Variants in SQLE observed in about 807,000 individuals in gnomAD.
SQLE encodes squalene epoxidase.
In SQLE, 29 loss-of-function variants were observed where a neutral mutation model predicts 60.7. The observed-to-expected ratio is 0.48, with a 90% CI of 0.36 to 0.65. The LOEUF (loss-of-function observed/expected upper bound fraction) is 0.65, where lower values mean the gene tolerates loss of function less well. Ranked by LOEUF, SQLE falls within the 30% of genes least tolerant of loss-of-function variation. SQLE has a pLI of 0.00. For missense variants in SQLE, 605 were observed against 684.1 expected (o/e 0.88, Z 1.29); for synonymous variants, 237 against 246.8 (o/e 0.96, Z 0.37).
intron 5 of SQLE, 22 bp downstream of exon 5, chr8:125,009,106 G>A (rs372889686): frequency 3.2e-6 from 5 of 1,571,636 alleles, no homozygotes; most frequent in South Asian, 1.2e-5. Context: ...GTGTGTTATT[G>A]TAATTTCAAT....
At chr8:125,015,923 CCT>C (rs34609513) in intron 7 of SQLE, among the ~76,000 whole-genome samples, 28,427 of 151,918 alleles carry the variant, frequency 0.19, 3,122 homozygotes, top group Middle Eastern at 0.36. Context: ...GTGTCTTGCC[CCT>C]CTCTCCTGGC....
chr8:125,019,347 G>A (rs1815164306), intron 9 of SQLE, among the ~76,000 whole-genome samples: 1 of 152,168 alleles, frequency 6.6e-6, no homozygotes. Flanking sequence ...CACTTCAGGA[G>A]GCCAAGGCAG....
At chr8:125,012,710 C>T (rs1003215812) in intron 7 of SQLE, among the ~76,000 whole-genome samples, 19 of 152,198 alleles carry the variant, frequency 1.2e-4, no homozygotes, top group Middle Eastern at 3.2e-3. Context: ...AGCAATGCTG[C>T]TATGAACATC....
In SQLE at chr8:125,003,181, A is replaced by G; in HGVS notation, c.297A>G (p.Arg99=). 1 of 1,606,670 alleles carries G rather than the reference A, an allele frequency of 6.2e-7. No individual in the cohort carries two copies. The highest frequency in any genetic ancestry group is 8.5e-7 in the Non-Finnish European group (1 of 1,177,232). ...NKEQLEARRR[R]KGTNISETSL... is the part of the protein sequence containing the mutation. ...ACCTTTTTTTTTTTAAACAGCGCAG[A>G]AAAGGAACCAATATTTCAGAAACAA... The change falls in exon 2 of 11, where the codon AGA becomes AGG. Residue 99 remains arginine (R), a synonymous_variant. Coordinates refer to ENST00000265896, the MANE Select transcript of SQLE (RefSeq NM_003129.4).
chr8:125,019,480 G>GATT (rs1554588429), intron 9 of SQLE, among the ~76,000 whole-genome samples: 10 of 151,496 alleles, frequency 6.6e-5, no homozygotes, highest in Non-Finnish European at 1.5e-4. Flanking sequence ...AGCTATTTGG[G>GATT]ACTATATAGC....
At chr8:125,015,535 C>A (rs544608729) in intron 7 of SQLE, among the ~76,000 whole-genome samples, 2 of 151,888 alleles carry the variant, frequency 1.3e-5, no homozygotes, top group Admixed American at 1.3e-4. Flanking sequence ...AATTTTTTTG[C>A]CTACCTCTTG....
At chr8:125,003,061 T>G in intron 1 of SQLE, 115 bp from the exon 2 acceptor site, 1 of 868,252 alleles carries the variant, frequency 1.2e-6, no homozygotes, top group Non-Finnish European at 1.6e-6. Flanking sequence ...GGTTTGATAA[T>G]ATTTAGTATC....
chr8:125,005,804 G>C, intron 3 of SQLE, 99 bp downstream of exon 3: 1 of 1,060,220 alleles, frequency 9.4e-7, no homozygotes, highest in South Asian at 2.4e-5. Context: ...TGAATTTTTG[G>C]GGCATAGTCT....
At position 125,004,150 on chromosome 8, in the gene SQLE, T is replaced by A. The variant is rs141574240; in HGVS notation, c.544+722T>A. 3.3e-5 allele frequency among the ~76,000 whole-genome samples: 5 copies of A among 152,312 alleles called. No individual in the cohort carries two copies. The East Asian group carries it at 9.6e-4, about 29-fold the overall frequency. ...TATATACTAGAGTCCACTTTTTCAC[T>A]TGACAGAAACATATTTCCAATACTG... is the stretch of plus-strand genomic sequence containing the variant. On this transcript the variant is annotated intron_variant, in intron 2 of 10. Coordinates refer to ENST00000265896, the MANE Select transcript of SQLE (RefSeq NM_003129.4).
At chr8:125,005,969 G>A (rs530804060) in intron 3 of SQLE, among the ~76,000 whole-genome samples, 1 of 152,224 alleles carries the variant, frequency 6.6e-6, no homozygotes, top group Admixed American at 6.5e-5. Flanking sequence ...TTATGTGACG[G>A]GAATTTAGAG....
chr8:125,011,616 A>C lies in SQLE; in HGVS notation c.1188A>C (p.Ser396=), dbSNP rs1815040994. ...TGCCAGCAAGCTTCCTTCCTCCTTC[A>C]TCAGTGAAGAAACGAGGTATTATTT... ...RSMPASFLPP[S]SVKKRGVLLL... The change falls in exon 7 of 11, where the codon TCA becomes TCC. Residue 396 remains serine (S), a synonymous_variant. Transcript: ENST00000265896. 1 of 1,577,556 alleles carries C rather than the reference A, an allele frequency of 6.3e-7. No homozygotes were observed. Among genetic ancestry groups the C allele is most frequent in the African/African-American group, 1.3e-5 (1 of 74,312 alleles).
rs1209124500 is a variant in SQLE at position 125,016,309 on chromosome 8, G to A, written c.1205-1750G>A. ...ATTCTTGATTATTCTTTTTTCTTTTGTCTCCTCTGTGTATTTTCAAATAGC... is the reference window on the plus strand; with the variant it reads ...ATTCTTGATTATTCTTTTTTCTTTTATCTCCTCTGTGTATTTTCAAATAGC... On this transcript the variant is annotated intron_variant, in intron 7 of 10. Coordinates refer to ENST00000265896, the MANE Select transcript of SQLE (RefSeq NM_003129.4). This position sits in a 1 kb window ranked among gnomAD's most constrained non-coding sequence, Gnocchi z 4.1. Among the ~76,000 whole-genome samples the A allele has an allele frequency of 1.3e-5, 2 of 150,986 alleles. No homozygotes were observed. Among genetic ancestry groups the A allele is most frequent in the Admixed American group, 1.3e-4 (2 of 15,166 alleles).
At chr8:125,000,365 G>T (rs904911498) in intron 1 of SQLE, among the ~76,000 whole-genome samples, 2 of 152,188 alleles carry the variant, frequency 1.3e-5, no homozygotes. Flanking sequence ...ATGAGTGTTC[G>T]GGCTTTTTCC....
At chr8:125,015,612 G>A (rs562573676) in intron 7 of SQLE, among the ~76,000 whole-genome samples, 12 of 152,238 alleles carry the variant, frequency 7.9e-5, no homozygotes, top group African/African-American at 2.9e-4. Context: ...ATTTTAAACT[G>A]ATGACAACTG....
chr8:124,999,624 C>T lies in SQLE; in HGVS notation c.221C>T (p.Pro74Leu). The T allele has an allele frequency of 6.2e-7, 1 of 1,613,050 alleles. No homozygotes were observed. Among genetic ancestry groups the T allele is most frequent in the Non-Finnish European group, 8.5e-7 (1 of 1,179,492 alleles). The change falls in exon 1 of 11, where the codon CCT becomes CTT. Residue 74 changes from proline to leucine, a missense_variant. Transcript: ENST00000265896. The stretch of plus-strand genomic sequence containing the variant: ...TTCTCGGATATTCTCTCAGGCCTGC[C>T]TTTCATTGGCTTCTTCTGGGCCAAA... ...ALFSDILSGL[P>L]FIGFFWAKSP...
rs371364219 is a variant in SQLE, at chr8:125,021,772, G to C, written c.1552G>C (p.Val518Leu). The C allele has an allele frequency of 6.2e-7, 1 of 1,604,154 alleles. No homozygotes were observed. The highest frequency in any genetic ancestry group is 8.5e-7 in the Non-Finnish European group (1 of 1,174,718). ...LLSVLSPNPL[V>L]LIGHFFAVAI... is the part of the protein sequence containing the mutation. Reference sequence around the variant, plus strand: ...TTACAGATTGTCTCCTAACCCTCTAGTTTTAATTGGACACTTCTTTGCTGT... The same window carrying C: ...TTACAGATTGTCTCCTAACCCTCTACTTTTAATTGGACACTTCTTTGCTGT... The change falls in exon 11 of 11, where the codon GTT becomes CTT. Residue 518 changes from valine (V) to leucine (L), a missense_variant. Val to Leu is a conservative substitution (Grantham distance 32). Transcript: ENST00000265896.
chr8:125,013,386 CTT>C (rs1199891860), intron 7 of SQLE, among the ~76,000 whole-genome samples: 6 of 120,748 alleles, frequency 5.0e-5, no homozygotes, highest in Non-Finnish European at 7.9e-5. Flanking sequence ...GAGTTTCGCT[CTT>C]GTCGCCTAGG....
At chr8:125,021,240 C>T (rs889045521) in intron 10 of SQLE, among the ~76,000 whole-genome samples, 3 of 152,032 alleles carry the variant, frequency 2.0e-5, no homozygotes, top group Non-Finnish European at 2.9e-5. Flanking sequence ...TAGTTTTGAG[C>T]GTACAGACAT....
In SQLE at chr8:124,998,529, G is replaced by T. The variant is rs1216370465; in HGVS notation, c.-875G>T. 1.2e-5 allele frequency: 8 copies of T among 665,818 alleles called. No individual in the cohort carries two copies. Among genetic ancestry groups the T allele is most frequent in the Middle Eastern group, 3.5e-4 (1 of 2,898 alleles). The allele number at this position is 665,818 out of a possible 1,614,324, so 41.2% of individuals were successfully genotyped here. ...TGAGACGCGTGGAGCCTGGCGGCGA[G>T]TGGGGGCGTGCGACGGTTACTCTGG... On this transcript the variant is annotated 5_prime_UTR_variant, in exon 1 of 11. Transcript: ENST00000265896.
Sources: allele counts gnomAD v4.1 joint callset (sites outside exome capture counted in the v4.1 genomes callset), GRCh38; gene constraint gnomAD v4.1.1; non-coding constraint Gnocchi (gnomAD v3.1); transcripts MANE v1.5; gene names NCBI Gene and HGNC (gene_info 2026-07-23, HGNC 2026-07-21).